ACBD6: variants seen among roughly 807,000 people sequenced by gnomAD.
ACBD6 encodes the protein acyl-CoA binding domain containing 6.
ACBD6 carries 28 observed loss-of-function variants against 37.2 expected under a neutral mutation model. The observed-to-expected ratio is 0.75, with a 90% CI of 0.56 to 1.03. The LOEUF (loss-of-function observed/expected upper bound fraction) is 1.03, where lower values mean the gene tolerates loss of function less well. ACBD6 is among the 50% of genes least tolerant of loss of function. The pLI is 0.00. For missense variants in ACBD6, 340 were observed against 337.4 expected (o/e 1.01, Z -0.06); for synonymous variants, 113 against 126.8 (o/e 0.89, Z 0.73).
At chr1:180,481,816 A>C (rs1571566244) in intron 3 of ACBD6, among the ~76,000 whole-genome samples, 1 of 152,350 alleles carries the variant, frequency 6.6e-6, no homozygotes, top group Non-Finnish European at 1.5e-5. Context: ...AATTAGAATA[A>C]TCTAGGTATC....
chr1:180,456,730 AT>A (rs74403437), intron 3 of ACBD6, among the ~76,000 whole-genome samples: 436 of 146,804 alleles, frequency 3.0e-3, no homozygotes, highest in African/African-American at 6.8e-3. Context: ...GATCTTTAAA[AT>A]TTTTTTTTTT....
chr1:180,378,470 G>A (rs574595818), intron 6 of ACBD6, among the ~76,000 whole-genome samples: 119 of 152,218 alleles, frequency 7.8e-4, no homozygotes, highest in Non-Finnish European at 1.3e-3. Context: ...CAATGTTAAT[G>A]TCCTAATTTT....
intron 7 of ACBD6, among the ~76,000 whole-genome samples, chr1:180,309,785 T>C (rs938495520): frequency 6.6e-6 from 1 of 152,182 alleles, no homozygotes; most frequent in Non-Finnish European, 1.5e-5. Flanking sequence ...CTTTTTTGAC[T>C]CTCCGGTTAT....
At chr1:180,388,033 G>T (rs61811599) in intron 6 of ACBD6, among the ~76,000 whole-genome samples, 1 of 151,808 alleles carries the variant, frequency 6.6e-6, no homozygotes, top group Non-Finnish European at 1.5e-5. Context: ...AAAATTAGCC[G>T]GGCGTGATGG....
intron 6 of ACBD6, among the ~76,000 whole-genome samples, chr1:180,338,740 G>A (rs1386915132): frequency 6.6e-6 from 1 of 152,142 alleles, no homozygotes; most frequent in Non-Finnish European, 1.5e-5. Flanking sequence ...AGAGTGAATA[G>A]GCAACCTACA....
intron 3 of ACBD6, among the ~76,000 whole-genome samples, chr1:180,460,164 A>T (rs1309230730): frequency 7.6e-6 from 1 of 132,068 alleles, no homozygotes; most frequent in African/African-American, 2.8e-5. Flanking sequence ...CCGGTGTGTG[A>T]TGTTCCTTAA....
downstream of ACBD6, among the ~76,000 whole-genome samples, chr1:180,284,829 G>C (rs1236362782): frequency 6.6e-6 from 1 of 152,060 alleles, no homozygotes; most frequent in Non-Finnish European, 1.5e-5. Context: ...GATATGAAAG[G>C]CTTGCATAAT....
At chr1:180,497,944 T>A (rs1265262875) in intron 1 of ACBD6, among the ~76,000 whole-genome samples, 1 of 152,232 alleles carries the variant, frequency 6.6e-6, no homozygotes, top group African/African-American at 2.4e-5. Flanking sequence ...TAAGGTCAGT[T>A]GCAACGAGGA....
At chr1:180,357,753 T>A (rs914033985) in intron 6 of ACBD6, among the ~76,000 whole-genome samples, 4 of 152,148 alleles carry the variant, frequency 2.6e-5, no homozygotes, top group Admixed American at 2.6e-4. Context: ...CTTCTCAGTA[T>A]ATGAAAGAAG....
At chr1:180,323,606 A>T (rs1651156356) in intron 6 of ACBD6, among the ~76,000 whole-genome samples, 1 of 152,032 alleles carries the variant, frequency 6.6e-6, no homozygotes, top group South Asian at 2.1e-4. Flanking sequence ...ATATATTTAT[A>T]ATTATTATAT....
At chr1:180,370,941 G>C (rs1166086494) in intron 6 of ACBD6, among the ~76,000 whole-genome samples, 2 of 152,022 alleles carry the variant, frequency 1.3e-5, no homozygotes, top group Non-Finnish European at 2.9e-5. Flanking sequence ...TGTTTAAAAA[G>C]AAAACATGCT....
rs1336375131 is a variant in ACBD6 at position 180,337,767 on chromosome 1, C to G, written c.664-23045G>C. 2.2e-4 allele frequency among the ~76,000 whole-genome samples: 34 copies of G among 152,166 alleles called. 1 individual carries two copies. The highest frequency in any genetic ancestry group is 2.2e-3 in the Admixed American group (34 of 15,280). On this transcript the variant is annotated intron_variant, in intron 6 of 7. Transcript: ENST00000367595. Reference sequence around the variant, plus strand: ...TATCTAGAAAACCCCATCGTCTCAGCCCAAAATCTCCTTAAGCTGATAAGC... The same window carrying G: ...TATCTAGAAAACCCCATCGTCTCAGGCCAAAATCTCCTTAAGCTGATAAGC...
In ACBD6 at chr1:180,394,268, T is replaced by A. The variant is rs948856859; in HGVS notation, c.663+3248A>T. 2.6e-5 allele frequency among the ~76,000 whole-genome samples: 4 copies of A among 151,608 alleles called. No individual in the cohort carries two copies. The East Asian group carries it at 5.8e-4, about 22-fold the overall frequency. On this transcript the variant is annotated intron_variant, in intron 6 of 7. Transcript: ENST00000367595. ...ACCACTACATCTAATTAAAAAAAAA[T>A]GTGTGGAGATGGGGTCTCACTATGT...
At chr1:180,500,240 G>T (rs898354087) in intron 1 of ACBD6, among the ~76,000 whole-genome samples, 1 of 151,508 alleles carries the variant, frequency 6.6e-6, no homozygotes, top group Non-Finnish European at 1.5e-5. Flanking sequence ...AAGAAAAAAA[G>T]TTTACACATT....
At chr1:180,384,738 T>C (rs1346802432) in intron 6 of ACBD6, among the ~76,000 whole-genome samples, 2 of 152,162 alleles carry the variant, frequency 1.3e-5, no homozygotes, top group African/African-American at 2.4e-5. Flanking sequence ...ACCAAAGATA[T>C]GGAATCAACT....
At chr1:180,366,003 T>A (rs1653042018) in intron 6 of ACBD6, among the ~76,000 whole-genome samples, 1 of 152,222 alleles carries the variant, frequency 6.6e-6, no homozygotes, top group Non-Finnish European at 1.5e-5. Flanking sequence ...AGCATTTTGT[T>A]ATTCTGTGTA....
intron 6 of ACBD6, among the ~76,000 whole-genome samples, chr1:180,374,207 C>A (rs999162350): frequency 6.6e-5 from 10 of 152,112 alleles, no homozygotes; most frequent in African/African-American, 2.4e-4. Context: ...GAAAAATAAA[C>A]CATTACATAT....
chr1:180,452,479 AAATAAT>A (rs545587170), intron 3 of ACBD6, among the ~76,000 whole-genome samples: 5 of 151,314 alleles, frequency 3.3e-5, no homozygotes, highest in East Asian at 1.9e-4. Context: ...TCAAAAAATT[AAATAAT>A]AATAATAATA....
Position 180,489,540 on chromosome 1 carries a change from T to C in ACBD6, c.384+2729A>G, listed in dbSNP as rs2102084948. Among the ~76,000 whole-genome samples, 3 of 151,726 alleles carry C rather than the reference T, an allele frequency of 2.0e-5. No individual in the cohort carries two copies. In the South Asian group the frequency reaches 6.2e-4, roughly 31 times the overall value. On this transcript the variant is annotated intron_variant, in intron 3 of 7. Coordinates refer to ENST00000367595, the MANE Select transcript of ACBD6 (RefSeq NM_032360.4). ...AAAGTTTATTATTTAATGTATTAAA[T>C]AATTAATTAAAGAATATGAAAGTGC...
Sources: allele counts gnomAD v4.1 joint callset (sites outside exome capture counted in the v4.1 genomes callset), GRCh38; gene constraint gnomAD v4.1.1; transcripts MANE v1.5; gene names NCBI Gene and HGNC (gene_info 2026-07-23, HGNC 2026-07-21).